The following PLXDC2 variants were observed in gnomAD, a reference collection of about 807,000 sequenced individuals.
The protein encoded by PLXDC2 is plexin domain-containing protein 2.
A neutral mutation model predicts 68.9 loss-of-function variants in PLXDC2; 40 were observed. The ratio of observed to expected loss-of-function variants is 0.58; its 90% CI spans 0.45 to 0.76. The LOEUF is 0.76. PLXDC2 is among the 30% of genes least tolerant of loss of function. The pLI, the probability that PLXDC2 is intolerant of heterozygous loss-of-function variation, is 0.00. For missense variants in PLXDC2, 644 were observed against 661.9 expected (o/e 0.97, Z 0.30); for synonymous variants, 243 against 234.2 (o/e 1.04, Z -0.34).
intron 1 of PLXDC2, among the ~76,000 whole-genome samples, chr10:19,876,959 T>A (rs1837644016): frequency 6.6e-6 from 1 of 152,182 alleles, no homozygotes; most frequent in African/African-American, 2.4e-5. Flanking sequence ...GTAATTAATA[T>A]TAGCCATAGA....
intron 2 of PLXDC2, among the ~76,000 whole-genome samples, chr10:20,039,472 G>A (rs1459916928): frequency 6.6e-6 from 1 of 152,238 alleles, no homozygotes; most frequent in South Asian, 2.1e-4. Context: ...GTTTCGCAGA[G>A]CAATTTTAGG....
chr10:20,154,820 A>G (rs1834197779), intron 6 of PLXDC2, among the ~76,000 whole-genome samples: 1 of 151,910 alleles, frequency 6.6e-6, no homozygotes. Flanking sequence ...AGGAATAAGG[A>G]TAGTCATTAG....
chr10:19,985,675 T>C (rs1589570442), intron 1 of PLXDC2, among the ~76,000 whole-genome samples: 1 of 152,220 alleles, frequency 6.6e-6, no homozygotes, highest in Admixed American at 6.5e-5. Flanking sequence ...TAGCCGGATA[T>C]CTTCAGAATA....
chr10:20,266,363 G>GAA (rs76205538), intron 13 of PLXDC2, among the ~76,000 whole-genome samples: 15 of 128,634 alleles, frequency 1.2e-4, no homozygotes. Flanking sequence ...AATTGTTGGG[G>GAA]AAAAAAAAAA....
intron 1 of PLXDC2, among the ~76,000 whole-genome samples, chr10:19,948,333 C>G (rs1166715042): frequency 6.6e-6 from 1 of 151,366 alleles, no homozygotes; most frequent in Non-Finnish European, 1.5e-5. Context: ...ATAAACAAGA[C>G]TATTAACAGC....
rs74627714 is a variant in PLXDC2, at chr10:20,274,748, A to G, written c.1474-4955A>G. On this transcript the variant is annotated intron_variant, in intron 13 of 13. Transcript: ENST00000377252. ...ATGAAGCAAAGAGATACAGCCACAC[A>G]CAGGAGCCGTTTGTTTTAATTAGAT... Among the ~76,000 whole-genome samples the G allele has an allele frequency of 3.1e-3, 475 of 152,218 alleles. 2 individuals carry two copies. The highest frequency in any genetic ancestry group is 0.011 in the African/African-American group (455 of 41,532).
At chr10:20,168,862 A>G (rs1834409507) in intron 7 of PLXDC2, among the ~76,000 whole-genome samples, 1 of 152,208 alleles carries the variant, frequency 6.6e-6, no homozygotes, top group African/African-American at 2.4e-5. Context: ...ACAGAGAAAT[A>G]GTAATAAATG....
Position 20,129,164 on chromosome 10 carries a change from A to G in PLXDC2, c.542-14131A>G, listed in dbSNP as rs61843479. Among the ~76,000 whole-genome samples, 1,272 of 152,220 alleles carry G rather than the reference A, an allele frequency of 8.4e-3. 5 individuals carry two copies. The highest frequency in any genetic ancestry group is 0.017 in the Middle Eastern group (5 of 294). On this transcript the variant is annotated intron_variant, in intron 4 of 13. Coordinates refer to ENST00000377252, the MANE Select transcript of PLXDC2 (RefSeq NM_032812.9). Reference sequence around the variant, plus strand: ...ACACTTGTTATCTTTCATGTTGCTCATAATAGTCATCCCAAAATATATGAT... The same window carrying G: ...ACACTTGTTATCTTTCATGTTGCTCGTAATAGTCATCCCAAAATATATGAT...
At chr10:20,163,199 C>T (rs1296433943) in intron 6 of PLXDC2, among the ~76,000 whole-genome samples, 1 of 152,116 alleles carries the variant, frequency 6.6e-6, no homozygotes, top group African/African-American at 2.4e-5. Flanking sequence ...ACAAAATTTG[C>T]AAACACTTTA....
chr10:20,244,975 G>T (rs916592139), intron 12 of PLXDC2, among the ~76,000 whole-genome samples: 2 of 152,182 alleles, frequency 1.3e-5, no homozygotes, highest in African/African-American at 4.8e-5. Flanking sequence ...TTAGCCGGGT[G>T]TGGTGACTCA....
rs201664951 is a variant in PLXDC2, at chr10:20,216,096, G to GA, written c.1123-1321dup. Among the ~76,000 whole-genome samples, 306 of 144,354 alleles carry GA rather than the reference G, an allele frequency of 2.1e-3. 2 individuals carry two copies. The highest frequency in any genetic ancestry group is 5.3e-3 in the African/African-American group (206 of 38,702). 94.7% of individuals were successfully genotyped at this position (144,354 alleles called of 152,430 possible). Reference sequence around the variant, plus strand: ...AGATCTTTTCTTTAAAGGTGTTGTAGAAAAAAAAACTAAAAAAAAAAAAAA... The same window carrying GA: ...AGATCTTTTCTTTAAAGGTGTTGTAGAAAAAAAAAACTAAAAAAAAAAAAAA... On this transcript the variant is annotated intron_variant, in intron 10 of 13. Transcript: ENST00000377252.
intron 1 of PLXDC2, among the ~76,000 whole-genome samples, chr10:19,827,307 C>CGGT (rs767114059): frequency 5.9e-5 from 9 of 152,144 alleles, no homozygotes; most frequent in Non-Finnish European, 1.0e-4. Flanking sequence ...TGGGACAAAC[C>CGGT]GGTCCTCCTT....
rs1836197445 is a variant in PLXDC2, at chr10:20,289,123, T to G, written c.*9304T>G. 1 of 152,212 alleles carries G rather than the reference T, an allele frequency of 6.6e-6. No individual in the cohort carries two copies. The highest frequency in any genetic ancestry group is 6.5e-5 in the Admixed American group (1 of 15,276). 9.4% of individuals were successfully genotyped at this position (152,212 alleles called of 1,614,324 possible). On this transcript the variant is annotated 3_prime_UTR_variant, in exon 14 of 14. Coordinates refer to ENST00000377252, the MANE Select transcript of PLXDC2 (RefSeq NM_032812.9). ...TTAGTGTTCAAAAGGTTCTACCCAT[T>G]GTGGAAGAAATTCTGTGTGCAGAAT...
At chr10:19,845,340 G>T (rs904792165) in intron 1 of PLXDC2, among the ~76,000 whole-genome samples, 1 of 152,180 alleles carries the variant, frequency 6.6e-6, no homozygotes. Flanking sequence ...GAACTGTAGA[G>T]AGTAAGGGTA....
intron 4 of PLXDC2, among the ~76,000 whole-genome samples, chr10:20,071,612 C>T (rs989630215): frequency 6.6e-6 from 1 of 152,146 alleles, no homozygotes; most frequent in African/African-American, 2.4e-5. Flanking sequence ...TGAGGCCTCC[C>T]CAGCCATGTA....
chr10:20,102,105 T>A (rs534331894), intron 4 of PLXDC2, among the ~76,000 whole-genome samples: 1 of 152,214 alleles, frequency 6.6e-6, no homozygotes, highest in South Asian at 2.1e-4. Flanking sequence ...CCAGTCAGTT[T>A]TTTACCAGCC....
intron 1 of PLXDC2, among the ~76,000 whole-genome samples, chr10:19,819,464 T>C (rs1399950141): frequency 7.2e-6 from 1 of 139,680 alleles, no homozygotes; most frequent in Non-Finnish European, 1.6e-5. Flanking sequence ...TAAAATAGTC[T>C]ATATAAAAAT....
chr10:19,989,936 G>A (rs1834718241), intron 1 of PLXDC2, among the ~76,000 whole-genome samples: 1 of 151,842 alleles, frequency 6.6e-6, no homozygotes, highest in Non-Finnish European at 1.5e-5. Flanking sequence ...CTTTAGTAGT[G>A]AGGAGGTTTT....
chr10:19,967,527 A>T (rs1834283118), intron 1 of PLXDC2, among the ~76,000 whole-genome samples: 1 of 152,216 alleles, frequency 6.6e-6, no homozygotes, highest in Admixed American at 6.5e-5. Flanking sequence ...AAAAAATAGA[A>T]TAAACATACT....
Sources: gnomAD v4.1 joint callset for allele counts (sites outside exome capture counted in the v4.1 genomes callset) on GRCh38, gnomAD v4.1.1 for gene constraint, MANE v1.5 for transcripts, NCBI Gene and HGNC (gene_info 2026-07-23, HGNC 2026-07-21) for gene names.